RBFOX1: variants seen among roughly 807,000 people sequenced by gnomAD.
RBFOX1 encodes the protein RNA binding fox-1 homolog 1.
Under a neutral mutation model 57.7 loss-of-function variants are expected in RBFOX1, and 8 were observed. The observed-to-expected ratio is 0.14, with a 90% CI of 0.08 to 0.25. The LOEUF is 0.25. RBFOX1 is among the 10% of genes least tolerant of loss of function. The probability of loss-of-function intolerance (pLI) is 1.00; values close to 1 mark genes in which losing one functional copy is unlikely to be tolerated. For missense variants in RBFOX1, 611 were observed against 548.5 expected, an observed-to-expected ratio of 1.11 and a Z score of -1.14; for synonymous variants, 326 against 222.4, an observed-to-expected ratio of 1.47 and a Z score of -4.15.
intron 3 of RBFOX1, among the ~76,000 whole-genome samples, chr16:7,021,951 T>C (rs977113372): frequency 1.9e-4 from 26 of 136,974 alleles, no homozygotes; most frequent in African/African-American, 7.2e-4. Context: ...TTCTTTCTTT[T>C]CTTTCTCTCT....
chr16:5,940,986 C>G (rs553334352), intron 4 of RBFOX1, among the ~76,000 whole-genome samples: 31 of 152,238 alleles, frequency 2.0e-4, no homozygotes, highest in African/African-American at 7.0e-4. Flanking sequence ...AGTCTGTTTC[C>G]TCATCTTTAC....
At chr16:5,402,076 C>G (rs953299086) in intron 1 of RBFOX1, among the ~76,000 whole-genome samples, 9 of 152,048 alleles carry the variant, frequency 5.9e-5, no homozygotes, top group African/African-American at 1.9e-4. Flanking sequence ...TTGGAGAGTA[C>G]TCCCGGGCTA....
At chr16:6,770,805 G>A (rs1468004316) in intron 3 of RBFOX1, among the ~76,000 whole-genome samples, 1 of 152,152 alleles carries the variant, frequency 6.6e-6, no homozygotes, top group African/African-American at 2.4e-5. Context: ...TTATATGACA[G>A]GGAGGAAATG....
At chr16:7,653,607 G>A (rs533067779) in intron 11 of RBFOX1, among the ~76,000 whole-genome samples, 4 of 152,280 alleles carry the variant, frequency 2.6e-5, no homozygotes, top group Admixed American at 6.5e-5. Context: ...TGGGCAAAGG[G>A]CCCACTGTGT....
intron 14 of RBFOX1, among the ~76,000 whole-genome samples, chr16:7,682,169 T>C (rs931696496): frequency 6.6e-6 from 1 of 152,272 alleles, no homozygotes; most frequent in South Asian, 2.1e-4. Flanking sequence ...GTTTTAGACA[T>C]CCAATTTTGT....
At chr16:7,246,633 C>CTTTTTTTT (rs56654382) in intron 4 of RBFOX1, among the ~76,000 whole-genome samples, 1 of 105,502 alleles carries the variant, frequency 9.5e-6, no homozygotes, top group Non-Finnish European at 1.8e-5. Context: ...TGGTCACCTC[C>CTTTTTTTT]TTTTTTTTTT....
At chr16:7,418,134 C>G (rs1195058252) in intron 4 of RBFOX1, among the ~76,000 whole-genome samples, 1 of 152,192 alleles carries the variant, frequency 6.6e-6, no homozygotes, top group Non-Finnish European at 1.5e-5. Flanking sequence ...CAACCTAGGT[C>G]CATTAGCCAT....
At chr16:7,521,315 A>C (rs1203000394) in intron 5 of RBFOX1, among the ~76,000 whole-genome samples, 1 of 152,200 alleles carries the variant, frequency 6.6e-6, no homozygotes, top group Admixed American at 6.5e-5. Context: ...GGGATTTGAC[A>C]TCCTACAGAC....
At chr16:7,038,295 G>T (rs2045136845) in intron 3 of RBFOX1, among the ~76,000 whole-genome samples, 1 of 152,160 alleles carries the variant, frequency 6.6e-6, no homozygotes, top group Admixed American at 6.6e-5. Flanking sequence ...AAGGGTTTGG[G>T]ATGGGATGGG....
intron 1 of RBFOX1, among the ~76,000 whole-genome samples, chr16:5,417,608 G>T (rs921802582): frequency 5.3e-5 from 8 of 152,310 alleles, no homozygotes; most frequent in African/African-American, 1.9e-4. Flanking sequence ...GCAGACATGG[G>T]CTGGTATCAA....
chr16:5,452,069 G>A (rs1195601613), intron 1 of RBFOX1, among the ~76,000 whole-genome samples: 2 of 150,040 alleles, frequency 1.3e-5, no homozygotes, highest in East Asian at 3.9e-4. Context: ...ATGGGCCCAA[G>A]CCCCCAAGTC....
chr16:7,649,833 C>T (rs1207620150), intron 11 of RBFOX1, among the ~76,000 whole-genome samples: 1 of 152,072 alleles, frequency 6.6e-6, no homozygotes, highest in East Asian at 1.9e-4. Flanking sequence ...GTGACTCAAG[C>T]TAATGATTTT....
intron 3 of RBFOX1, among the ~76,000 whole-genome samples, chr16:6,663,851 G>A (rs1046305471): frequency 1.9e-4 from 29 of 152,238 alleles, no homozygotes; most frequent in African/African-American, 6.8e-4. Flanking sequence ...GAGGGAGTCT[G>A]GAGGTTGAGC....
chr16:5,814,581 G>T (rs1203578153), intron 3 of RBFOX1, among the ~76,000 whole-genome samples: 1 of 152,190 alleles, frequency 6.6e-6, no homozygotes, highest in Admixed American at 6.5e-5. Context: ...GTAGTCAGCG[G>T]TAGAGAGCCT....
intron 4 of RBFOX1, among the ~76,000 whole-genome samples, chr16:7,474,744 G>C (rs145207250): frequency 6.6e-6 from 1 of 152,074 alleles, no homozygotes; most frequent in Non-Finnish European, 1.5e-5. Context: ...GGGCATAATC[G>C]TAGAACTGGA....
intron 7 of RBFOX1, among the ~76,000 whole-genome samples, chr16:7,593,744 C>G (rs183036114): frequency 6.6e-6 from 1 of 152,102 alleles, no homozygotes; most frequent in East Asian, 1.9e-4. Context: ...TTCTTCTATA[C>G]TCACATTCCA....
chr16:5,985,607 GC>G (rs2060270335), intron 4 of RBFOX1, among the ~76,000 whole-genome samples: 1 of 152,190 alleles, frequency 6.6e-6, no homozygotes, highest in Non-Finnish European at 1.5e-5. Flanking sequence ...TGCCCCAGCA[GC>G]CCCCAGGGGA....
upstream of RBFOX1, among the ~76,000 whole-genome samples, chr16:6,018,667 T>G (rs1196042522): frequency 2.6e-5 from 4 of 152,112 alleles, no homozygotes; most frequent in Admixed American, 6.5e-5. Context: ...GCCGGAAGAT[T>G]TGAAGACTTG....
intron 5 of RBFOX1, among the ~76,000 whole-genome samples, chr16:7,563,352 C>G (rs2090882544): frequency 6.6e-6 from 1 of 152,204 alleles, no homozygotes; most frequent in Non-Finnish European, 1.5e-5. Context: ...GTTAAGTAAC[C>G]TGCTGCAGTT....
Sources: allele counts gnomAD v4.1 joint callset (sites outside exome capture counted in the v4.1 genomes callset), GRCh38; gene constraint gnomAD v4.1.1; transcripts MANE v1.5; gene names NCBI Gene and HGNC (gene_info 2026-07-23, HGNC 2026-07-21).